The following ST8SIA6 variants were observed in gnomAD, a reference collection of about 807,000 sequenced individuals.
ST8SIA6 encodes alpha-2,8-sialyltransferase 8F.
In ST8SIA6, 39 loss-of-function variants were observed where a neutral mutation model predicts 33.6. The ratio of observed to expected loss-of-function variants is 1.16; its 90% CI spans 0.90 to 1.52. The LOEUF is 1.52. ST8SIA6 is among the 40% of genes most tolerant of loss of function. The pLI, the probability that ST8SIA6 is intolerant of heterozygous loss-of-function variation, is 0.00. For missense variants in ST8SIA6, 441 were observed against 443.8 expected, an observed-to-expected ratio of 0.99 and a Z score of 0.06; for synonymous variants, 172 against 167.2, an observed-to-expected ratio of 1.03 and a Z score of -0.22.
In ST8SIA6 at chr10:17,333,692, TATATATATATATATATATA is replaced by T. The variant is rs1564404852; in HGVS notation, c.378-2159_378-2141del. Among the ~76,000 whole-genome samples the T allele has an allele frequency of 5.1e-3, 148 of 29,084 alleles. 8 individuals are homozygous for T. The highest frequency in any genetic ancestry group is 0.019 in the East Asian group (11 of 566). The allele number at this position is 29,084 out of a possible 152,430, so 19.1% of individuals were successfully genotyped here. On this transcript the variant is annotated intron_variant, in intron 4 of 7. Coordinates refer to ENST00000377602, the MANE Select transcript of ST8SIA6 (RefSeq NM_001004470.3). ...GCTGGGATATATATATATATATATA[TATATATATATATATATATA>T]TATATATTTTTTTTTTTTTTTTTTT...
At chr10:17,345,641 G>A (rs1424178577) in intron 4 of ST8SIA6, among the ~76,000 whole-genome samples, 1 of 152,170 alleles carries the variant, frequency 6.6e-6, no homozygotes, top group African/African-American at 2.4e-5. Context: ...GGAGAACTAG[G>A]TGGAGAATGC....
chr10:17,394,771 A>G (rs1850744895), intron 2 of ST8SIA6, among the ~76,000 whole-genome samples: 1 of 152,216 alleles, frequency 6.6e-6, no homozygotes. Flanking sequence ...GCACACCACA[A>G]GTGAAGACGT....
At chr10:17,392,897 T>G (rs961135620) in intron 2 of ST8SIA6, among the ~76,000 whole-genome samples, 2 of 152,208 alleles carry the variant, frequency 1.3e-5, no homozygotes, top group African/African-American at 2.4e-5. Context: ...CTGTGTCAAC[T>G]TGATTGGGCA....
Position 17,331,434 on chromosome 10 carries a change from T to C in ST8SIA6, c.496A>G (p.Lys166Glu), listed in dbSNP as rs754336998. 2 of 1,613,620 alleles carry C rather than the reference T, an allele frequency of 1.2e-6. No individual in the cohort carries two copies. Among genetic ancestry groups the C allele is most frequent in the East Asian group, 4.5e-5 (2 of 44,860 alleles). The change falls in exon 5 of 8, where the codon AAG becomes GAG. Residue 166 changes from lysine (K) to glutamate (E), a missense_variant. Lys to Glu is a moderately conservative substitution (Grantham distance 56, BLOSUM62 1). Coordinates refer to ENST00000377602, the MANE Select transcript of ST8SIA6 (RefSeq NM_001004470.3). ...ACTGGAAACATATGAAAAATGTTCT[T>C]CTTAATTGGGATTTCTTTTTTGCTT... ...VESKKEIPIK[K>E]NIFHMFPVSQ... is the part of the protein sequence containing the mutation.
chr10:17,402,918 A>G (rs1851104255), intron 2 of ST8SIA6, among the ~76,000 whole-genome samples: 1 of 152,214 alleles, frequency 6.6e-6, no homozygotes, highest in Non-Finnish European at 1.5e-5. Flanking sequence ...AGAACTTAAA[A>G]GTATAATAAT....
intron 2 of ST8SIA6, among the ~76,000 whole-genome samples, chr10:17,414,011 G>A (rs1851531945): frequency 6.6e-6 from 1 of 152,108 alleles, no homozygotes; most frequent in Non-Finnish European, 1.5e-5. Context: ...TCATTGAGAA[G>A]CCCCCATGCC....
intron 3 of ST8SIA6, among the ~76,000 whole-genome samples, chr10:17,378,855 G>A (rs1479143323): frequency 6.6e-6 from 1 of 152,120 alleles, no homozygotes; most frequent in East Asian, 1.9e-4. Flanking sequence ...AGCCAGGCAC[G>A]GTGGCTCACA....
At chr10:17,365,223 T>C (rs1849518981) in intron 3 of ST8SIA6, among the ~76,000 whole-genome samples, 1 of 152,226 alleles carries the variant, frequency 6.6e-6, no homozygotes, top group East Asian at 1.9e-4. Flanking sequence ...TGATAATAAA[T>C]GTCATATTAA....
intron 2 of ST8SIA6, among the ~76,000 whole-genome samples, chr10:17,429,179 T>TAA (rs759816588): frequency 6.6e-6 from 1 of 152,034 alleles, no homozygotes; most frequent in Non-Finnish European, 1.5e-5. Flanking sequence ...CAATTACCCT[T>TAA]ACAATTTATG....
At chr10:17,394,265 C>A (rs1161761302) in intron 2 of ST8SIA6, among the ~76,000 whole-genome samples, 1 of 151,428 alleles carries the variant, frequency 6.6e-6, no homozygotes, top group Admixed American at 6.6e-5. Context: ...GTCTTGGGGA[C>A]CAAACAGGGT....
At chr10:17,422,885 A>G (rs938927000) in intron 2 of ST8SIA6, among the ~76,000 whole-genome samples, 3 of 152,242 alleles carry the variant, frequency 2.0e-5, no homozygotes, top group African/African-American at 7.2e-5. Flanking sequence ...GAGATAGAGA[A>G]GCGAATGATA....
intron 6 of ST8SIA6, among the ~76,000 whole-genome samples, chr10:17,324,606 A>G (rs1179371750): frequency 6.6e-6 from 1 of 151,610 alleles, no homozygotes; most frequent in Non-Finnish European, 1.5e-5. Flanking sequence ...TTAAAACTTA[A>G]AAGAAAAATA....
At chr10:17,442,317 C>A (rs1214712914) in intron 2 of ST8SIA6, among the ~76,000 whole-genome samples, 2 of 152,110 alleles carry the variant, frequency 1.3e-5, no homozygotes, top group African/African-American at 2.4e-5. Flanking sequence ...GCCCAAGAAA[C>A]CAATATTACT....
chr10:17,393,334 C>T (rs1221709845), intron 2 of ST8SIA6, among the ~76,000 whole-genome samples: 1 of 152,222 alleles, frequency 6.6e-6, no homozygotes, highest in Non-Finnish European at 1.5e-5. Flanking sequence ...CGTAATAAAT[C>T]TCTTGCTATC....
chr10:17,316,140 T>C lies in ST8SIA6; in HGVS notation c.*4738A>G, dbSNP rs1847768429. ...AAATATAATAACATGTATATTTTTC[T>C]TCTTTATCCCTAAACCCACTCCGAT... On this transcript the variant is annotated 3_prime_UTR_variant, in exon 8 of 8. Transcript: ENST00000377602. 6.6e-6 allele frequency among the ~76,000 whole-genome samples: 1 copy of C among 152,050 alleles called. No homozygotes were observed. The highest frequency in any genetic ancestry group is 6.6e-5 in the Admixed American group (1 of 15,244).
chr10:17,406,043 C>T (rs1851246631), intron 2 of ST8SIA6, among the ~76,000 whole-genome samples: 1 of 152,122 alleles, frequency 6.6e-6, no homozygotes, highest in Non-Finnish European at 1.5e-5. Flanking sequence ...AGTGGAGACC[C>T]TGCTTAATAA....
At chr10:17,348,679 T>C (rs1456921531) in intron 4 of ST8SIA6, among the ~76,000 whole-genome samples, 2 of 152,136 alleles carry the variant, frequency 1.3e-5, no homozygotes, top group African/African-American at 4.8e-5. Context: ...GCTCCCACGG[T>C]TCGCTGTGGA....
intron 2 of ST8SIA6, among the ~76,000 whole-genome samples, chr10:17,395,334 G>T (rs986312141): frequency 6.6e-6 from 1 of 152,084 alleles, no homozygotes; most frequent in African/African-American, 2.4e-5. Flanking sequence ...CCTGCTGCAG[G>T]AGAACTCCTT....
intron 3 of ST8SIA6, among the ~76,000 whole-genome samples, chr10:17,375,236 A>G (rs1020298384): frequency 1.3e-5 from 2 of 152,238 alleles, no homozygotes; most frequent in African/African-American, 2.4e-5. Context: ...CAAGTCATAC[A>G]TCATTCTAGG....
Sources: allele counts gnomAD v4.1 joint callset (sites outside exome capture counted in the v4.1 genomes callset), GRCh38; gene constraint gnomAD v4.1.1; transcripts MANE v1.5; gene names NCBI Gene and HGNC (gene_info 2026-07-23, HGNC 2026-07-21).